The following RPS6KA2 variants were observed in gnomAD, a reference collection of about 807,000 sequenced individuals.
RPS6KA2 encodes ribosomal protein S6 kinase alpha-2.
A neutral mutation model predicts 91.8 loss-of-function variants in RPS6KA2; 42 were observed. That is an observed-to-expected ratio of 0.46 (90% CI 0.36 to 0.59). The LOEUF is 0.59. RPS6KA2 is among the 20% of genes least tolerant of loss of function. The probability of loss-of-function intolerance (pLI) is 0.00; values close to 1 mark genes in which losing one functional copy is unlikely to be tolerated. For synonymous variants in RPS6KA2, 414 were observed against 393.6 expected, an observed-to-expected ratio of 1.05 and a Z score of -0.61; for missense variants, 798 against 978.5, an observed-to-expected ratio of 0.82 and a Z score of 2.46.
rs1782901498 is a variant in RPS6KA2 at position 166,522,693 on chromosome 6, A to G, written c.298+8539T>C. On this transcript the variant is annotated intron_variant, in intron 3 of 20. Coordinates refer to ENST00000265678, the MANE Select transcript of RPS6KA2 (RefSeq NM_021135.6). ...ATCCCGAGCAGTCTCCCAGATGCAGAATAAAAGTCCTTCTTCCCACAGTAT... is the reference window on the plus strand; with the variant it reads ...ATCCCGAGCAGTCTCCCAGATGCAGGATAAAAGTCCTTCTTCCCACAGTAT... Among the ~76,000 whole-genome samples the G allele has an allele frequency of 2.6e-5, 4 of 152,334 alleles. No individual in the cohort carries two copies. In the South Asian group the frequency reaches 8.3e-4, roughly 32 times the overall value.
chr6:166,806,386 A>G (rs1480561752), intron 2 of RPS6KA2, among the ~76,000 whole-genome samples: 1 of 152,190 alleles, frequency 6.6e-6, no homozygotes, highest in African/African-American at 2.4e-5. Flanking sequence ...AAGAGAAGTG[A>G]CTCATCACAT....
At chr6:166,678,812 CCT>C (rs1429414765) in intron 2 of RPS6KA2, among the ~76,000 whole-genome samples, 2 of 152,212 alleles carry the variant, frequency 1.3e-5, no homozygotes, top group African/African-American at 4.8e-5. Flanking sequence ...CCTTGAGCCC[CCT>C]GTGCTTCATG....
intron 2 of RPS6KA2, among the ~76,000 whole-genome samples, chr6:166,710,988 A>C (rs1789829051): frequency 6.6e-6 from 1 of 152,088 alleles, no homozygotes. Flanking sequence ...CCTTGGCCCC[A>C]CCTTCACCCA....
intron 1 of RPS6KA2, among the ~76,000 whole-genome samples, chr6:166,608,831 T>C (rs896436539): frequency 6.6e-6 from 1 of 152,154 alleles, no homozygotes; most frequent in South Asian, 2.1e-4. Context: ...TAAGTTGATA[T>C]ATATTTAGGC....
intron 1 of RPS6KA2, among the ~76,000 whole-genome samples, chr6:166,579,645 G>A (rs966154247): frequency 2.0e-5 from 3 of 152,184 alleles, no homozygotes; most frequent in South Asian, 4.1e-4. Context: ...ATTAGGAAAC[G>A]CCATGTGTCA....
chr6:166,674,861 G>A (rs750728783), intron 2 of RPS6KA2, among the ~76,000 whole-genome samples: 13 of 152,258 alleles, frequency 8.5e-5, no homozygotes, highest in Non-Finnish European at 1.8e-4. Context: ...TAGAGATGGG[G>A]TTTCACCATG....
intron 2 of RPS6KA2, among the ~76,000 whole-genome samples, chr6:166,643,159 C>A (rs1787497186): frequency 6.6e-6 from 1 of 152,148 alleles, no homozygotes; most frequent in Non-Finnish European, 1.5e-5. Flanking sequence ...CTTCTAGTAG[C>A]TATTATTGGG....
rs201017256 is a variant in RPS6KA2, at chr6:166,418,394, A to G, written c.1821-52T>C. On this transcript the variant is annotated intron_variant, in intron 18 of 20. Transcript: ENST00000265678. The surrounding 1 kb of genome is among the most constrained non-coding windows in gnomAD (Gnocchi z 4.9). ...ATGAGCTTGTATTTTACAACCTAAA[A>G]TAAAGTTTGCAAGTTGATATCACCC... The G allele has an allele frequency of 1.9e-5, 27 of 1,409,504 alleles. No individual in the cohort carries two copies. The highest frequency in any genetic ancestry group is 2.7e-5 in the Non-Finnish European group (27 of 997,174). The allele number at this position is 1,409,504 out of a possible 1,614,324, so 87.3% of individuals were successfully genotyped here. A position where few individuals can be genotyped will look rare whatever the true frequency, so the allele number is the denominator to read the frequency against.
intron 2 of RPS6KA2, among the ~76,000 whole-genome samples, chr6:166,658,844 C>A (rs1249671913): frequency 6.6e-6 from 1 of 152,232 alleles, no homozygotes; most frequent in Non-Finnish European, 1.5e-5. Context: ...TAGAGAGACT[C>A]TCTCTGGAAC....
At chr6:166,829,058 T>C (rs1780114150) in intron 2 of RPS6KA2, among the ~76,000 whole-genome samples, 1 of 152,176 alleles carries the variant, frequency 6.6e-6, no homozygotes, top group African/African-American at 2.4e-5. Context: ...CACAGAAGAC[T>C]ACAGGTGACC....
At position 166,412,943 on chromosome 6, in the gene RPS6KA2, C is replaced by G. The variant is rs1239923005; in HGVS notation, c.2077-56G>C. The G allele has an allele frequency of 1.3e-6, 2 of 1,490,262 alleles. No individual in the cohort carries two copies. The highest frequency in any genetic ancestry group is 9.0e-7 in the Non-Finnish European group (1 of 1,114,556). 92.3% of individuals were successfully genotyped at this position (1,490,262 alleles called of 1,614,324 possible). On this transcript the variant is annotated intron_variant, in intron 20 of 20. Coordinates refer to ENST00000265678, the MANE Select transcript of RPS6KA2 (RefSeq NM_021135.6). This position sits in a 1 kb window ranked among gnomAD's most constrained non-coding sequence, Gnocchi z 4.3. ...CGGCGCCTCACTCCAGGGGTTGAGC[C>G]GGAGCCCGGGGCCTCCATGGGCCTC...
intron 2 of RPS6KA2, among the ~76,000 whole-genome samples, chr6:166,734,088 A>AGAT (rs1228029635): frequency 1.3e-5 from 2 of 152,152 alleles, no homozygotes; most frequent in Admixed American, 1.3e-4. Flanking sequence ...ATAGGATATG[A>AGAT]GATCACCTGT....
intron 1 of RPS6KA2, among the ~76,000 whole-genome samples, chr6:166,605,342 A>G (rs1247466914): frequency 6.6e-6 from 1 of 152,180 alleles, no homozygotes; most frequent in Non-Finnish European, 1.5e-5. Flanking sequence ...TTAGATTACG[A>G]GCTCCTTAAA....
At chr6:166,680,501 G>C (rs545265540) in intron 2 of RPS6KA2, among the ~76,000 whole-genome samples, 9 of 152,220 alleles carry the variant, frequency 5.9e-5, no homozygotes, top group Middle Eastern at 6.8e-3. Flanking sequence ...AATCTTGCTG[G>C]TGCCCACTTT....
chr6:166,716,035 C>CAAAAAAAA (rs141709524), intron 2 of RPS6KA2, among the ~76,000 whole-genome samples: 2 of 89,778 alleles, frequency 2.2e-5, no homozygotes, highest in Non-Finnish European at 3.8e-5. Flanking sequence ...GAGACTCCAT[C>CAAAAAAAA]AAAAAAAAAA....
At chr6:166,689,617 C>T (rs1259472072) in intron 2 of RPS6KA2, among the ~76,000 whole-genome samples, 1 of 152,188 alleles carries the variant, frequency 6.6e-6, no homozygotes, top group African/African-American at 2.4e-5. Context: ...TGATACCCCC[C>T]AGGCAGGCCA....
chr6:166,741,116 G>T (rs138885165), intron 2 of RPS6KA2, among the ~76,000 whole-genome samples: 6 of 152,256 alleles, frequency 3.9e-5, no homozygotes, highest in Admixed American at 1.3e-4. Flanking sequence ...AAGGAGAAAA[G>T]ATGGCTTGCA....
intron 2 of RPS6KA2, among the ~76,000 whole-genome samples, chr6:166,765,543 CTTTG>C (rs1241069178): frequency 6.6e-6 from 1 of 152,182 alleles, no homozygotes; most frequent in Non-Finnish European, 1.5e-5. Flanking sequence ...AAGAAAACGA[CTTTG>C]TTTAACTTTT....
chr6:166,803,633 G>A (rs1779422486), intron 2 of RPS6KA2, among the ~76,000 whole-genome samples: 2 of 152,162 alleles, frequency 1.3e-5, no homozygotes, highest in South Asian at 4.1e-4. Flanking sequence ...GACTAATTCG[G>A]ATTTCAGCAA....
Sources: allele counts gnomAD v4.1 joint callset (sites outside exome capture counted in the v4.1 genomes callset), GRCh38; gene constraint gnomAD v4.1.1; non-coding constraint Gnocchi (gnomAD v3.1); transcripts MANE v1.5; gene names NCBI Gene and HGNC (gene_info 2026-07-23, HGNC 2026-07-21).